Variants in IGSF21 observed in about 807,000 individuals in gnomAD.
IGSF21 encodes immunoglobin superfamily member 21.
Under a neutral mutation model 46.8 loss-of-function variants are expected in IGSF21, and 28 were observed. The ratio of observed to expected loss-of-function variants is 0.60; its 90% CI spans 0.44 to 0.82. The LOEUF (loss-of-function observed/expected upper bound fraction) is 0.82, where lower values mean the gene tolerates loss of function less well. IGSF21 is among the 40% of genes least tolerant of loss of function. The probability of loss-of-function intolerance (pLI) is 0.00; values close to 1 mark genes in which losing one functional copy is unlikely to be tolerated. For missense variants in IGSF21, 624 were observed against 665.5 expected, an observed-to-expected ratio of 0.94 and a Z score of 0.69; for synonymous variants, 284 against 273.6, an observed-to-expected ratio of 1.04 and a Z score of -0.38.
At chr1:18,282,179 CTG>C (rs951010875) in intron 2 of IGSF21, among the ~76,000 whole-genome samples, 2 of 148,702 alleles carry the variant, frequency 1.3e-5, no homozygotes, top group African/African-American at 4.9e-5. Flanking sequence ...GGGTTCCGGA[CTG>C]TGTATCCGGT....
At chr1:18,241,668 A>G (rs2084729589) in intron 2 of IGSF21, among the ~76,000 whole-genome samples, 1 of 152,150 alleles carries the variant, frequency 6.6e-6, no homozygotes, top group Non-Finnish European at 1.5e-5. Flanking sequence ...TGTGGCAGGT[A>G]AGACAAGCCT....
chr1:18,186,509 C>T lies in IGSF21; in HGVS notation c.71-41389C>T, dbSNP rs115057844. 6.1e-3 allele frequency among the ~76,000 whole-genome samples: 924 copies of T among 152,228 alleles called. 15 individuals are homozygous for T. Among genetic ancestry groups the T allele is most frequent in the African/African-American group, 0.021 (866 of 41,532 alleles). ...GCACTTGGAGTGACCCAATCTGTTT[C>T]CCTGGCTGGAGAGCCCAGTGGCTCT... On this transcript the variant is annotated intron_variant, in intron 1 of 9. Coordinates refer to ENST00000251296, the MANE Select transcript of IGSF21 (RefSeq NM_032880.5).
intron 1 of IGSF21, among the ~76,000 whole-genome samples, chr1:18,121,814 A>C (rs2086236382): frequency 6.6e-6 from 1 of 152,184 alleles, no homozygotes; most frequent in African/African-American, 2.4e-5. Flanking sequence ...TCAATGTCCA[A>C]GTTGGCTGAG....
chr1:18,133,826 C>T (rs907040268), intron 1 of IGSF21, among the ~76,000 whole-genome samples: 1 of 152,226 alleles, frequency 6.6e-6, no homozygotes, highest in East Asian at 1.9e-4. Context: ...ACTGCAGGCA[C>T]GTTGTAGGGG....
chr1:18,218,381 T>C (rs1426238943), intron 1 of IGSF21, among the ~76,000 whole-genome samples: 1 of 152,216 alleles, frequency 6.6e-6, no homozygotes, highest in Non-Finnish European at 1.5e-5. Flanking sequence ...CGATTCGACA[T>C]GAGATTTGGG....
intron 7 of IGSF21, 147 bp from the exon 8 acceptor site, chr1:18,376,650 ACTC>A (rs1201793025): frequency 3.1e-5 from 22 of 720,806 alleles, no homozygotes; most frequent in East Asian, 1.6e-4. Context: ...TAAGTCCCAG[ACTC>A]CTCCTCCTCC....
At chr1:18,196,796 C>A (rs1022899054) in intron 1 of IGSF21, among the ~76,000 whole-genome samples, 4 of 152,154 alleles carry the variant, frequency 2.6e-5, no homozygotes, top group African/African-American at 9.7e-5. Context: ...TCTTGAGCCT[C>A]TCAAGCCCAG....
chr1:18,129,566 G>A (rs2086300566), intron 1 of IGSF21, among the ~76,000 whole-genome samples: 1 of 152,182 alleles, frequency 6.6e-6, no homozygotes, highest in Non-Finnish European at 1.5e-5. Context: ...CTCAGAGGCT[G>A]AGAAGGGGTC....
At chr1:18,131,389 G>A (rs948082446) in intron 1 of IGSF21, among the ~76,000 whole-genome samples, 1 of 152,168 alleles carries the variant, frequency 6.6e-6, no homozygotes, top group African/African-American at 2.4e-5. Context: ...TGAAGGATGT[G>A]GGAGGCAGTT....
At chr1:18,327,783 T>A (rs1376588204) in intron 3 of IGSF21, among the ~76,000 whole-genome samples, 2 of 152,134 alleles carry the variant, frequency 1.3e-5, no homozygotes, top group African/African-American at 4.8e-5. Context: ...GAGAGATGAG[T>A]ATGTTCATTA....
Position 18,294,081 on chromosome 1 carries a change from A to G in IGSF21, c.305+2094A>G, listed in dbSNP as rs558455419. ...GACTTGACATGACAGGCTTTGTACA[A>G]TTGTGGAATTTCAGTGAAATTTATG... On this transcript the variant is annotated intron_variant, in intron 3 of 9. Transcript: ENST00000251296. Among the ~76,000 whole-genome samples, 31 of 152,320 alleles carry G rather than the reference A, an allele frequency of 2.0e-4. 1 individual carries two copies. In the South Asian group the frequency reaches 6.4e-3, roughly 32 times the overall value.
At chr1:18,263,493 T>C (rs559736816) in intron 2 of IGSF21, among the ~76,000 whole-genome samples, 1 of 152,066 alleles carries the variant, frequency 6.6e-6, no homozygotes, top group Non-Finnish European at 1.5e-5. Flanking sequence ...TCACTCGCTG[T>C]AGGATCTTGG....
intron 1 of IGSF21, among the ~76,000 whole-genome samples, chr1:18,216,829 A>G (rs1445788716): frequency 1.3e-5 from 2 of 152,120 alleles, no homozygotes; most frequent in Non-Finnish European, 2.9e-5. Flanking sequence ...ACCTGCCTAG[A>G]AGATATGGTT....
intron 3 of IGSF21, among the ~76,000 whole-genome samples, chr1:18,320,498 G>A (rs189769556): frequency 4.6e-5 from 7 of 152,314 alleles, no homozygotes; most frequent in East Asian, 3.9e-4. Flanking sequence ...TTGATGAAGC[G>A]GCGGGAGTCA....
intron 1 of IGSF21, among the ~76,000 whole-genome samples, chr1:18,116,354 A>G (rs944325865): frequency 1.3e-5 from 2 of 152,154 alleles, no homozygotes; most frequent in African/African-American, 4.8e-5. Context: ...TTTGGTTTCC[A>G]TCTGCAATGG....
chr1:18,309,797 G>A (rs1200726729), intron 3 of IGSF21, among the ~76,000 whole-genome samples: 2 of 152,210 alleles, frequency 1.3e-5, no homozygotes, highest in Non-Finnish European at 2.9e-5. Flanking sequence ...GGCTGGAGCT[G>A]CTGGAAACGG....
intron 6 of IGSF21, among the ~76,000 whole-genome samples, chr1:18,366,440 G>T (rs1274192068): frequency 6.6e-6 from 1 of 152,010 alleles, no homozygotes; most frequent in East Asian, 1.9e-4. Flanking sequence ...TGAGGTCATG[G>T]CATGCTCAGG....
chr1:18,255,746 G>A (rs2084886291), intron 2 of IGSF21, among the ~76,000 whole-genome samples: 1 of 152,028 alleles, frequency 6.6e-6, no homozygotes, highest in African/African-American at 2.4e-5. Flanking sequence ...TCCAAGTCTT[G>A]TCAATTCCAC....
intron 1 of IGSF21, among the ~76,000 whole-genome samples, chr1:18,208,656 C>G (rs1403791594): frequency 6.7e-6 from 1 of 149,548 alleles, no homozygotes; most frequent in Non-Finnish European, 1.5e-5. Context: ...CTCGGCCTCC[C>G]AAAGTTCTGG....
Sources: gnomAD v4.1 joint callset for allele counts (sites outside exome capture counted in the v4.1 genomes callset) on GRCh38, gnomAD v4.1.1 for gene constraint, MANE v1.5 for transcripts, NCBI Gene and HGNC (gene_info 2026-07-23, HGNC 2026-07-21) for gene names.